DPY19L2: variants seen among roughly 807,000 people sequenced by gnomAD.
DPY19L2 encodes dpy-19 like 2.
A neutral mutation model predicts 97.9 loss-of-function variants in DPY19L2; 34 were observed. The ratio of observed to expected loss-of-function variants is 0.35; its 90% CI spans 0.26 to 0.46. The LOEUF is 0.46. Ranked by LOEUF, DPY19L2 falls within the 20% of genes least tolerant of loss-of-function variation. DPY19L2 has a pLI of 1.00. For missense variants in DPY19L2, 623 were observed against 911.4 expected (o/e 0.68, Z 4.07); for synonymous variants, 230 against 307.9 (o/e 0.75, Z 2.65).
chr12:63,565,778 G>A (rs1273167023), intron 21 of DPY19L2, among the ~76,000 whole-genome samples: 5 of 151,912 alleles, frequency 3.3e-5, no homozygotes, highest in African/African-American at 4.8e-5. Flanking sequence ...CCTTATTTTG[G>A]ATTGAGTGAT....
intron 19 of DPY19L2, among the ~76,000 whole-genome samples, chr12:63,576,848 A>G (rs1458066797): frequency 6.6e-6 from 1 of 152,088 alleles, no homozygotes; most frequent in Non-Finnish European, 1.5e-5. Flanking sequence ...TACTGTTAAA[A>G]TGTCCATACT....
intron 11 of DPY19L2, among the ~76,000 whole-genome samples, chr12:63,610,575 A>G (rs1374480868): frequency 6.6e-6 from 1 of 151,654 alleles, no homozygotes; most frequent in East Asian, 1.9e-4. Flanking sequence ...AAAACATAAA[A>G]AAAACTCAAC....
chr12:63,645,510 T>G (rs1221360790), intron 5 of DPY19L2, among the ~76,000 whole-genome samples: 1 of 152,062 alleles, frequency 6.6e-6, no homozygotes, highest in Non-Finnish European at 1.5e-5. Context: ...TATAGCCAGA[T>G]AGCCACTTGA....
At chr12:63,641,205 A>C (rs1892644256) in intron 6 of DPY19L2, among the ~76,000 whole-genome samples, 1 of 152,104 alleles carries the variant, frequency 6.6e-6, no homozygotes, top group South Asian at 2.1e-4. Flanking sequence ...CTCCCAGCCC[A>C]AAAACAGAAC....
At chr12:63,583,746 T>C in intron 17 of DPY19L2, 66 bp downstream of exon 17, 1 of 1,543,562 alleles carries the variant, frequency 6.5e-7, no homozygotes, top group Non-Finnish European at 8.9e-7. Flanking sequence ...GGTTATACCT[T>C]TGTCAATTAT....
intron 6 of DPY19L2, among the ~76,000 whole-genome samples, chr12:63,640,831 AC>A (rs1202389770): frequency 6.6e-6 from 1 of 152,208 alleles, no homozygotes; most frequent in Non-Finnish European, 1.5e-5. Context: ...ATATGAAAAA[AC>A]AAAAAAGATA....
intron 16 of DPY19L2, 79 bp from the exon 17 acceptor site, chr12:63,583,915 T>C: frequency 8.1e-7 from 1 of 1,241,830 alleles, no homozygotes; most frequent in Non-Finnish European, 1.1e-6. Flanking sequence ...TTCATTTGCT[T>C]GATCTTAGAT....
chr12:63,605,372 A>G (rs34659756), intron 12 of DPY19L2, among the ~76,000 whole-genome samples: 1 of 151,756 alleles, frequency 6.6e-6, no homozygotes, highest in Non-Finnish European at 1.5e-5. Flanking sequence ...TTTCCCTGGA[A>G]CCTCTTTCTG....
At chr12:63,633,527 C>T (rs964652699) in intron 6 of DPY19L2, among the ~76,000 whole-genome samples, 1 of 152,116 alleles carries the variant, frequency 6.6e-6, no homozygotes, top group South Asian at 2.1e-4. Context: ...CCATCTCACA[C>T]CAGTTAGAAT....
At chr12:63,582,085 G>A (rs1881033910) in intron 18 of DPY19L2, among the ~76,000 whole-genome samples, 3 of 151,876 alleles carry the variant, frequency 2.0e-5, no homozygotes, top group African/African-American at 7.3e-5. Flanking sequence ...ACAGGTGTGA[G>A]CCACTGTGCC....
At chr12:63,642,823 A>C (rs964395589) in intron 6 of DPY19L2, among the ~76,000 whole-genome samples, 3 of 152,030 alleles carry the variant, frequency 2.0e-5, no homozygotes, top group Non-Finnish European at 4.4e-5. Context: ...GTCAACAAAA[A>C]ATATGTTGGA....
chr12:63,604,178 C>G (rs1382814461), intron 12 of DPY19L2, among the ~76,000 whole-genome samples: 1 of 152,182 alleles, frequency 6.6e-6, no homozygotes, highest in Non-Finnish European at 1.5e-5. Context: ...TTCTGGCTTC[C>G]TTACTTTCAC....
At chr12:63,633,760 C>A (rs1340341034) in intron 6 of DPY19L2, among the ~76,000 whole-genome samples, 3 of 152,132 alleles carry the variant, frequency 2.0e-5, no homozygotes, top group African/African-American at 7.2e-5. Context: ...AAGACACATG[C>A]ACACGTATGT....
intron 16 of DPY19L2, among the ~76,000 whole-genome samples, chr12:63,592,556 T>C (rs1476067585): frequency 1.3e-5 from 2 of 150,120 alleles, no homozygotes; most frequent in Admixed American, 6.6e-5. Context: ...CCCTATTTAA[T>C]AAATGGTGCT....
intron 21 of DPY19L2, among the ~76,000 whole-genome samples, 153 bp from the exon 22 acceptor site, chr12:63,560,815 T>A (rs1189256370): frequency 6.8e-6 from 1 of 146,816 alleles, no homozygotes; most frequent in African/African-American, 2.6e-5. Flanking sequence ...TGTTTAGAAA[T>A]TTAAAAAATA....
intron 4 of DPY19L2, among the ~76,000 whole-genome samples, chr12:63,660,594 T>C (rs1895550819): frequency 6.6e-6 from 1 of 152,056 alleles, no homozygotes. Flanking sequence ...TAGCATTTAT[T>C]TATTTTAGAT....
intron 11 of DPY19L2, among the ~76,000 whole-genome samples, chr12:63,613,756 A>G (rs1241228030): frequency 1.3e-5 from 2 of 152,142 alleles, no homozygotes; most frequent in South Asian, 2.1e-4. Flanking sequence ...AAAGGTGAAG[A>G]GAAGAAACTT....
intron 16 of DPY19L2, among the ~76,000 whole-genome samples, chr12:63,586,091 G>GAAC (rs1336878725): frequency 6.6e-6 from 1 of 152,028 alleles, no homozygotes; most frequent in Non-Finnish European, 1.5e-5. Context: ...AAGAATAAGA[G>GAAC]AACAACAACA....
intron 6 of DPY19L2, among the ~76,000 whole-genome samples, chr12:63,639,186 C>A (rs1227214113): frequency 2.0e-5 from 3 of 152,156 alleles, no homozygotes; most frequent in Admixed American, 2.0e-4. Context: ...TTTCTTACAC[C>A]TTTTACGAAA....
Sources: allele counts gnomAD v4.1 joint callset (sites outside exome capture counted in the v4.1 genomes callset), GRCh38; gene constraint gnomAD v4.1.1; transcripts MANE v1.5; gene names NCBI Gene and HGNC (gene_info 2026-07-23, HGNC 2026-07-21).